The following IKZF1 variants were observed in gnomAD, a reference collection of about 807,000 sequenced individuals.
IKZF1 encodes the protein IKAROS family zinc finger 1, also known as DNA-binding protein Ikaros.
In IKZF1, 10 loss-of-function variants were observed where a neutral mutation model predicts 51.7. That is an observed-to-expected ratio of 0.19 (90% CI 0.12 to 0.33). The LOEUF is 0.33. Among genes scored for constraint, IKZF1 ranks in the 10% least tolerant of loss-of-function variants. The pLI is 1.00. For missense variants in IKZF1, 484 were observed against 707.5 expected, an observed-to-expected ratio of 0.68 and a Z score of 3.58; for synonymous variants, 280 against 282.3, an observed-to-expected ratio of 0.99 and a Z score of 0.08.
intron 1 of IKZF1, among the ~76,000 whole-genome samples, chr7:50,312,056 A>C (rs1790309577): frequency 6.6e-6 from 1 of 152,134 alleles, no homozygotes. Flanking sequence ...TTTTCATTGC[A>C]CTTCATATTG....
intron 3 of IKZF1, chr7:50,327,985 C>T (rs1795509814): frequency 2.0e-6 from 1 of 505,126 alleles, no homozygotes; most frequent in African/African-American, 1.9e-5. Context: ...GCAAAATGTC[C>T]AAGTTGAGGA....
chr7:50,318,064 C>A (rs1001500764), intron 1 of IKZF1, among the ~76,000 whole-genome samples: 3 of 152,226 alleles, frequency 2.0e-5, no homozygotes, highest in African/African-American at 7.2e-5. Context: ...TTGAGGTCAC[C>A]TTCTGCTGGC....
At chr7:50,357,859 A>ACTTTT (rs1030343494) in intron 3 of IKZF1, among the ~76,000 whole-genome samples, 1 of 152,194 alleles carries the variant, frequency 6.6e-6, no homozygotes, top group African/African-American at 2.4e-5. Context: ...TTTGGCCTCC[A>ACTTTT]CTTTTCTTTT....
intron 7 of IKZF1, among the ~76,000 whole-genome samples, chr7:50,393,100 T>C (rs933035402): frequency 7.2e-5 from 11 of 151,834 alleles, no homozygotes; most frequent in African/African-American, 2.4e-4. Context: ...AAAAAATGAC[T>C]GGAAAAGGGA....
chr7:50,369,396 T>C, intron 3 of IKZF1: 1 of 396,964 alleles, frequency 2.5e-6, no homozygotes, highest in Non-Finnish European at 4.4e-6. Context: ...TGAAGATGTG[T>C]TAATGTTATG....
intron 2 of IKZF1, among the ~76,000 whole-genome samples, chr7:50,323,197 A>G (rs1793891733): frequency 6.6e-6 from 1 of 152,236 alleles, no homozygotes. Context: ...AGAAGAAAAT[A>G]CAGTTATCAT....
At chr7:50,319,757 C>T (rs1371119232) in intron 2 of IKZF1, among the ~76,000 whole-genome samples, 2 of 152,198 alleles carry the variant, frequency 1.3e-5, no homozygotes, top group Admixed American at 6.5e-5. Flanking sequence ...CCAGTAGCAG[C>T]TTTCATGGAC....
At chr7:50,380,982 A>T in intron 4 of IKZF1, among the ~76,000 whole-genome samples, 1 of 152,178 alleles carries the variant, frequency 6.6e-6, no homozygotes, top group East Asian at 1.9e-4. Context: ...TGCTTAGCTA[A>T]TACAGATTTC....
At chr7:50,313,504 G>A (rs546106122) in intron 1 of IKZF1, among the ~76,000 whole-genome samples, 83 of 152,336 alleles carry the variant, frequency 5.4e-4, no homozygotes, top group Middle Eastern at 3.4e-3. Context: ...GTTTCTAGCA[G>A]TATATAAGTA....
intron 3 of IKZF1, among the ~76,000 whole-genome samples, chr7:50,374,382 A>G (rs1236374780): frequency 6.6e-6 from 1 of 152,252 alleles, no homozygotes; most frequent in Non-Finnish European, 1.5e-5. Context: ...GCAGATACCA[A>G]GAGATGACTG....
chr7:50,306,601 C>G (rs1449742013), intron 1 of IKZF1, among the ~76,000 whole-genome samples: 1 of 152,182 alleles, frequency 6.6e-6, no homozygotes, highest in Non-Finnish European at 1.5e-5. Context: ...AGGTTTGACC[C>G]TTTCGAAGAG....
chr7:50,391,400 G>T (rs916401307), intron 6 of IKZF1, among the ~76,000 whole-genome samples: 2 of 152,204 alleles, frequency 1.3e-5, no homozygotes, highest in African/African-American at 4.8e-5. Flanking sequence ...GGAGTATTAT[G>T]AAAAGTTAAA....
chr7:50,403,973 T>C lies in IKZF1; in HGVS notation c.*3346T>C, dbSNP rs1818569392. On this transcript the variant is annotated 3_prime_UTR_variant, in exon 8 of 8. Transcript: ENST00000331340. ...CAGCAATAATGAATGGTCAACTTTTTTAAAATCTAGATCTCTCTCATTCAT... is the reference window on the plus strand; with the variant it reads ...CAGCAATAATGAATGGTCAACTTTTCTAAAATCTAGATCTCTCTCATTCAT... 1 of 214,780 alleles carries C rather than the reference T, an allele frequency of 4.7e-6. No individual in the cohort carries two copies. 13.3% of individuals were successfully genotyped at this position (214,780 alleles called of 1,614,324 possible).
At chr7:50,324,635 G>A in intron 2 of IKZF1, among the ~76,000 whole-genome samples, 1 of 152,198 alleles carries the variant, frequency 6.6e-6, no homozygotes, top group Non-Finnish European at 1.5e-5. Context: ...GGACACTGGA[G>A]CACTGACATT....
intron 3 of IKZF1, chr7:50,369,552 G>T (rs1808028896): frequency 5.0e-6 from 2 of 398,612 alleles, no homozygotes; most frequent in Non-Finnish European, 8.8e-6. Flanking sequence ...TCTCACACAA[G>T]CGGCTACTTG....
intron 1 of IKZF1, among the ~76,000 whole-genome samples, chr7:50,308,227 C>A (rs2153324494): frequency 6.6e-6 from 1 of 152,302 alleles, no homozygotes. Context: ...GAAGTGCGGG[C>A]CTGCCCATTT....
chr7:50,352,577 G>A (rs1324762795), intron 3 of IKZF1, among the ~76,000 whole-genome samples: 2 of 152,186 alleles, frequency 1.3e-5, no homozygotes, highest in African/African-American at 4.8e-5. Context: ...TAAGAATAAT[G>A]TCAATGGGAC....
intron 3 of IKZF1, among the ~76,000 whole-genome samples, chr7:50,331,409 A>G (rs998827909): frequency 1.1e-4 from 17 of 151,954 alleles, no homozygotes; most frequent in South Asian, 2.1e-4. Context: ...TTGAAATTTC[A>G]AGGAGAAATG....
intron 4 of IKZF1, among the ~76,000 whole-genome samples, chr7:50,378,918 T>C (rs1207223406): frequency 2.6e-5 from 4 of 152,374 alleles, no homozygotes; most frequent in African/African-American, 9.6e-5. Context: ...AATACCTGGT[T>C]TGGCCAAACT....
Sources: gnomAD v4.1 joint callset for allele counts (sites outside exome capture counted in the v4.1 genomes callset) on GRCh38, gnomAD v4.1.1 for gene constraint, MANE v1.5 for transcripts, NCBI Gene and HGNC (gene_info 2026-07-23, HGNC 2026-07-21) for gene names.